Variants in EPHA8 observed in about 807,000 individuals in gnomAD.
EPHA8 encodes the protein EPH receptor A8.
In EPHA8, 58 loss-of-function variants were observed where a neutral mutation model predicts 103.6. The observed-to-expected ratio is 0.56, with a 90% confidence interval of 0.45 to 0.70. EPHA8 has a LOEUF of 0.70. EPHA8 is among the 30% of genes least tolerant of loss of function. EPHA8 has a pLI of 0.00. For synonymous variants in EPHA8, 559 were observed against 572.5 expected, an observed-to-expected ratio of 0.98 and a Z score of 0.34; for missense variants, 1,304 against 1,395.2, an observed-to-expected ratio of 0.93 and a Z score of 1.04.
chr1:22,593,955 C>CCT (rs1244493056), intron 7 of EPHA8, among the ~76,000 whole-genome samples: 1 of 152,246 alleles, frequency 6.6e-6, no homozygotes, highest in East Asian at 1.9e-4. Context: ...GCCTCTGCCT[C>CCT]CTCAGTAGCT....
At position 22,601,407 on chromosome 1, in the gene EPHA8, G is replaced by A. The variant is rs146237497; in HGVS notation, c.2837G>A (p.Arg946Gln). Reference sequence around the variant, plus strand: ...TGGCTGGACTCCATCCGCATGGGCCGGTACCGAGACCACTTCGCTGCGGGC... The same window carrying A: ...TGGCTGGACTCCATCCGCATGGGCCAGTACCGAGACCACTTCGCTGCGGGC... ...GDWLDSIRMG[R>Q]YRDHFAAGGY... is the part of the protein sequence containing the mutation. The change falls in exon 16 of 17, where the codon CGG becomes CAG. Residue 946 changes from arginine (R) to glutamine (Q), a missense_variant. Arg to Gln is a conservative substitution (Grantham distance 43). Transcript: ENST00000166244. The A allele has an allele frequency of 3.8e-5, 61 of 1,611,298 alleles. No individual in the cohort carries two copies. The highest frequency in any genetic ancestry group is 1.6e-4 in the Middle Eastern group (1 of 6,078).
intron 14 of EPHA8, 40 bp downstream of exon 14, chr1:22,600,850 C>T (rs928954244): frequency 2.8e-5 from 44 of 1,589,222 alleles, no homozygotes; most frequent in Non-Finnish European, 3.8e-5. Context: ...GCGGTGGAGC[C>T]TCAGGGTGCA....
At chr1:22,593,921 C>G (rs1000729363) in intron 7 of EPHA8, among the ~76,000 whole-genome samples, 5 of 152,270 alleles carry the variant, frequency 3.3e-5, no homozygotes, top group Admixed American at 2.0e-4. Context: ...CAACCTCCAC[C>G]TCCCAGGTTC....
chr1:22,579,218 T>C (rs1278900531), intron 3 of EPHA8, among the ~76,000 whole-genome samples: 20 of 151,610 alleles, frequency 1.3e-4, no homozygotes, highest in Admixed American at 1.2e-3. Context: ...CATGTGTGTG[T>C]ATGTATGCAT....
At position 22,597,529 on chromosome 1, in the gene EPHA8, C is replaced by G; in HGVS notation, c.1930+53C>G. The G allele has an allele frequency of 6.3e-7, 1 of 1,588,894 alleles. No homozygotes were observed. The highest frequency in any genetic ancestry group is 8.6e-7 in the Non-Finnish European group (1 of 1,166,326). On this transcript the variant is annotated intron_variant, in intron 10 of 16. Coordinates refer to ENST00000166244, the MANE Select transcript of EPHA8 (RefSeq NM_020526.5). The surrounding 1 kb of genome is among the most constrained non-coding windows in gnomAD (Gnocchi z 4.6). ...GCCAGCATGGGGCAAGGTGGGGGCACCCAGGGCAAGGTGGGGGCACCCAGG... is the reference window on the plus strand; with the variant it reads ...GCCAGCATGGGGCAAGGTGGGGGCAGCCAGGGCAAGGTGGGGGCACCCAGG...
chr1:22,586,345 C>A, intron 3 of EPHA8, 135 bp from the exon 4 acceptor site: 1 of 1,052,014 alleles, frequency 9.5e-7, no homozygotes, highest in East Asian at 2.4e-5. Context: ...GAGGGCAGCA[C>A]TGGGCAGTGT....
At chr1:22,573,359 T>C (rs1194460452) in intron 2 of EPHA8, among the ~76,000 whole-genome samples, 1 of 152,188 alleles carries the variant, frequency 6.6e-6, no homozygotes, top group African/African-American at 2.4e-5. Context: ...CATTGCATCC[T>C]CTCAAACCTC....
intron 2 of EPHA8, among the ~76,000 whole-genome samples, chr1:22,571,091 G>A (rs1269495589): frequency 1.3e-5 from 2 of 152,210 alleles, no homozygotes; most frequent in African/African-American, 2.4e-5. Flanking sequence ...TCAGAGCATC[G>A]GACTTGGTGT....
intron 3 of EPHA8, among the ~76,000 whole-genome samples, chr1:22,583,519 T>A (rs1004569510): frequency 2.0e-5 from 3 of 152,106 alleles, no homozygotes; most frequent in African/African-American, 7.2e-5. Flanking sequence ...GCTGGGAACC[T>A]GGGGCAAGGC....
At chr1:22,599,424 G>A (rs1461594977) in intron 13 of EPHA8, among the ~76,000 whole-genome samples, 1 of 152,070 alleles carries the variant, frequency 6.6e-6, no homozygotes, top group Non-Finnish European at 1.5e-5. Flanking sequence ...CTCTCTAGAG[G>A]TGCCTTAGGG....
rs367949357 is a variant in EPHA8, at chr1:22,596,179, T to A, written c.1765+6T>A. 1.2e-6 allele frequency: 2 copies of A among 1,613,224 alleles called. No individual in the cohort carries two copies. The highest frequency in any genetic ancestry group is 1.7e-6 in the Non-Finnish European group (2 of 1,179,712). On this transcript the variant is annotated splice_donor_region_variant and intron_variant, in intron 9 of 16. Coordinates refer to ENST00000166244, the MANE Select transcript of EPHA8 (RefSeq NM_020526.5). Reference sequence around the variant, plus strand: ...GCACTATCAGAATGGACAGGGTGAGTGCAGGGGCCCGGTGGTCTGGGGCAG... The same window carrying A: ...GCACTATCAGAATGGACAGGGTGAGAGCAGGGGCCCGGTGGTCTGGGGCAG...
At chr1:22,600,147 A>AG (rs1641674600) in intron 13 of EPHA8, among the ~76,000 whole-genome samples, 1 of 86,636 alleles carries the variant, frequency 1.2e-5, no homozygotes, top group African/African-American at 4.7e-5. Flanking sequence ...AGGAGGAGGG[A>AG]GGGAGGGAAG....
rs893849294 is a variant in EPHA8 at position 22,576,051 on chromosome 1, C to T, written c.160-166C>T. Among the ~76,000 whole-genome samples, 1 of 151,666 alleles carries T rather than the reference C, an allele frequency of 6.6e-6. No homozygotes were observed. The highest frequency in any genetic ancestry group is 2.4e-5 in the African/African-American group (1 of 41,264). On this transcript the variant is annotated intron_variant, in intron 2 of 16. Coordinates refer to ENST00000166244, the MANE Select transcript of EPHA8 (RefSeq NM_020526.5). The surrounding 1 kb of genome is among the most constrained non-coding windows in gnomAD (Gnocchi z 4.8). ...AACACTTCCCCTGAAGATCGTGGCC[C>T]TCTTCGAGATCATGTCTGCAGGGGG...
At chr1:22,579,945 A>G (rs942838556) in intron 3 of EPHA8, among the ~76,000 whole-genome samples, 8 of 151,980 alleles carry the variant, frequency 5.3e-5, no homozygotes, top group African/African-American at 1.9e-4. Flanking sequence ...AAGGCCCCTG[A>G]GCGCTAATAG....
rs1416862183 is a variant in EPHA8 at position 22,576,369 on chromosome 1, C to T, written c.312C>T (p.Thr104=). ...ARRVYAEIKF[T]LRDCNSMPGV... The stretch of plus-strand genomic sequence containing the variant: ...GCGTCTATGCTGAGATCAAGTTTAC[C>T]CTGCGCGACTGCAACAGCATGCCTG... Residue 104 remains threonine (T), a synonymous_variant, in exon 3 of 17, where the codon ACC becomes ACT. Transcript: ENST00000166244. The surrounding 1 kb of genome is among the most constrained non-coding windows in gnomAD (Gnocchi z 4.8). 1 of 1,613,680 alleles carries T rather than the reference C, an allele frequency of 6.2e-7. No homozygotes were observed. Among genetic ancestry groups the T allele is most frequent in the Non-Finnish European group, 8.5e-7 (1 of 1,180,026 alleles).
intron 8 of EPHA8, 142 bp downstream of exon 8, chr1:22,595,465 A>T (rs1172528040): frequency 1.6e-6 from 1 of 621,540 alleles, no homozygotes; most frequent in Non-Finnish European, 2.9e-6. Flanking sequence ...TAACCTAGTG[A>T]CATGCCAGTG....
intron 1 of EPHA8, among the ~76,000 whole-genome samples, chr1:22,568,529 TC>T (rs1640433880): frequency 6.6e-6 from 1 of 152,192 alleles, no homozygotes; most frequent in African/African-American, 2.4e-5. Flanking sequence ...TCCCTGAGGC[TC>T]GGTTCTTTTA....
At chr1:22,596,726 A>G (rs903134900) in intron 9 of EPHA8, among the ~76,000 whole-genome samples, 2 of 151,786 alleles carry the variant, frequency 1.3e-5, no homozygotes, top group Non-Finnish European at 2.9e-5. Context: ...CAGTGGCTCA[A>G]TCTCAGCTCA....
At chr1:22,574,172 G>A (rs1640620314) in intron 2 of EPHA8, among the ~76,000 whole-genome samples, 1 of 152,132 alleles carries the variant, frequency 6.6e-6, no homozygotes, top group Non-Finnish European at 1.5e-5. Context: ...GGAGAGACGG[G>A]GTTTCACTGT....
Sources: gnomAD v4.1 joint callset for allele counts (sites outside exome capture counted in the v4.1 genomes callset) on GRCh38, gnomAD v4.1.1 for gene constraint, Gnocchi (gnomAD v3.1) non-coding constraint, MANE v1.5 for transcripts, NCBI Gene and HGNC (gene_info 2026-07-23, HGNC 2026-07-21) for gene names.